The following FGD4 variants were observed in gnomAD, a reference collection of about 807,000 sequenced individuals.
FGD4 encodes the protein FYVE, RhoGEF and PH domain containing 4.
Under a neutral mutation model 102.0 loss-of-function variants are expected in FGD4, and 42 were observed. The observed-to-expected ratio is 0.41, with a 90% confidence interval of 0.32 to 0.53. The LOEUF is 0.53. Ranked by LOEUF, FGD4 falls within the 20% of genes least tolerant of loss-of-function variation. The probability of loss-of-function intolerance (pLI) is 0.21; values close to 1 mark genes in which losing one functional copy is unlikely to be tolerated. For synonymous variants in FGD4, 380 were observed against 375.7 expected (o/e 1.01, Z -0.13); for missense variants, 902 against 1,078.2 (o/e 0.84, Z 2.29).
intron 1 of FGD4, among the ~76,000 whole-genome samples, chr12:32,489,724 C>T (rs907140067): frequency 5.3e-5 from 8 of 152,050 alleles, no homozygotes; most frequent in African/African-American, 1.9e-4. Context: ...TATTCCTGAT[C>T]CTGAGAAGAA....
intron 1 of FGD4, among the ~76,000 whole-genome samples, chr12:32,491,441 A>G (rs1944089778): frequency 6.6e-6 from 1 of 152,146 alleles, no homozygotes; most frequent in Non-Finnish European, 1.5e-5. Flanking sequence ...TTCTTGGTAA[A>G]TGTTTGTTGA....
At chr12:32,416,630 C>T (rs1941425218) in intron 1 of FGD4, among the ~76,000 whole-genome samples, 1 of 151,884 alleles carries the variant, frequency 6.6e-6, no homozygotes, top group Non-Finnish European at 1.5e-5. Context: ...AATAAACAAG[C>T]AAAAAAGAAA....
At chr12:32,621,687 A>T (rs1385857106) in intron 11 of FGD4, among the ~76,000 whole-genome samples, 2 of 152,208 alleles carry the variant, frequency 1.3e-5, no homozygotes, top group Non-Finnish European at 1.5e-5. Flanking sequence ...CAGAGAATAT[A>T]TACTGAACTT....
chr12:32,596,822 C>G (rs1947931054), intron 4 of FGD4, among the ~76,000 whole-genome samples: 1 of 151,774 alleles, frequency 6.6e-6, no homozygotes, highest in Non-Finnish European at 1.5e-5. Context: ...GTAATCTCAG[C>G]TACTCGGGAG....
chr12:32,516,370 C>T (rs35885876), intron 1 of FGD4, among the ~76,000 whole-genome samples: 20,331 of 152,032 alleles, frequency 0.13, 1,610 homozygotes, highest in African/African-American at 0.22. Context: ...TCTCAAACTC[C>T]CAGGCCCAAG....
intron 1 of FGD4, chr12:32,511,051 G>C (rs921797254): frequency 2.6e-5 from 4 of 152,196 alleles, no homozygotes; most frequent in African/African-American, 9.7e-5. Flanking sequence ...GATTATAAGA[G>C]GGAAGTTATT....
intron 1 of FGD4, among the ~76,000 whole-genome samples, chr12:32,505,798 C>A (rs541002733): frequency 1.3e-3 from 191 of 152,258 alleles, no homozygotes; most frequent in African/African-American, 4.4e-3. Flanking sequence ...TAGTTCCTTC[C>A]TTCCTTGTCT....
In FGD4 at chr12:32,640,717, C is replaced by A. The variant is rs1394256546; in HGVS notation, c.*184C>A. The A allele has an allele frequency of 6.1e-6, 5 of 823,638 alleles. No individual in the cohort carries two copies. In the East Asian group the frequency reaches 1.3e-4, roughly 22 times the overall value. 51.0% of individuals were successfully genotyped at this position (823,638 alleles called of 1,614,324 possible). On this transcript the variant is annotated 3_prime_UTR_variant, in exon 17 of 17. Transcript: ENST00000534526. ...AAATTAGTGTGCAGAGTCATTCTACCGATAAAGTTTTGAAATAATGTGAAA... is the reference window on the plus strand; with the variant it reads ...AAATTAGTGTGCAGAGTCATTCTACAGATAAAGTTTTGAAATAATGTGAAA...
intron 1 of FGD4, among the ~76,000 whole-genome samples, chr12:32,421,521 A>C (rs1429283613): frequency 6.6e-6 from 1 of 152,192 alleles, no homozygotes; most frequent in Middle Eastern, 3.4e-3. Context: ...GCTTTGTTAC[A>C]TTGTCAGGAA....
chr12:32,451,179 A>G (rs1456087205), intron 1 of FGD4, among the ~76,000 whole-genome samples: 1 of 152,156 alleles, frequency 6.6e-6, no homozygotes, highest in Non-Finnish European at 1.5e-5. Context: ...CTATCTAATT[A>G]ATTTTCTTTT....
intron 11 of FGD4, among the ~76,000 whole-genome samples, chr12:32,622,247 G>C (rs1309808655): frequency 6.6e-6 from 1 of 152,160 alleles, no homozygotes; most frequent in African/African-American, 2.4e-5. Context: ...TGCTAACTCT[G>C]AAACTTCAGC....
chr12:32,448,758 G>A (rs996928211), intron 1 of FGD4, among the ~76,000 whole-genome samples: 3 of 152,148 alleles, frequency 2.0e-5, no homozygotes, highest in Non-Finnish European at 4.4e-5. Flanking sequence ...AAGCAGTCCG[G>A]TAACACAGGA....
At chr12:32,639,006 C>G (rs746529606) in intron 16 of FGD4, 1 of 1,351,234 alleles carries the variant, frequency 7.4e-7, no homozygotes, top group Non-Finnish European at 9.7e-7. Flanking sequence ...GATCATCTGT[C>G]CCCTTTCTTG....
At chr12:32,527,845 G>A (rs11052047) in intron 1 of FGD4, among the ~76,000 whole-genome samples, 7,650 of 152,182 alleles carry the variant, frequency 0.05, 471 homozygotes, top group African/African-American at 0.13. Flanking sequence ...TTGGGGTTTA[G>A]GGATCAATTT....
rs115098086 is a variant in FGD4 at position 32,620,011 on chromosome 12, A to T, written c.1922+141A>T. 9.2e-4 allele frequency: 927 copies of T among 1,002,548 alleles called. 9 individuals carry two copies. The African/African-American group carries it at 0.014, about 15-fold the overall frequency. The allele number at this position is 1,002,548 out of a possible 1,614,324, so 62.1% of individuals were successfully genotyped here. A position where few individuals can be genotyped will look rare whatever the true frequency, so the allele number is the denominator to read the frequency against. On this transcript the variant is annotated intron_variant, in intron 11 of 16. Transcript: ENST00000534526. ...TGGTTGGATGTAAATGCAGAGCTGTAGGTTCTTGAAAAGCAGGAGTCATGT... is the reference window on the plus strand; with the variant it reads ...TGGTTGGATGTAAATGCAGAGCTGTTGGTTCTTGAAAAGCAGGAGTCATGT...
In FGD4 at chr12:32,582,205, A is replaced by G; in HGVS notation, c.749A>G (p.Asp250Gly). The change falls in exon 4 of 17, where the codon GAT (aspartate) becomes GGT (glycine). Residue 250 changes from aspartate (D) to glycine (G), a missense_variant. Physicochemically the swap from Asp to Gly is moderately conservative, Grantham distance 94 (BLOSUM62 -1). Transcript: ENST00000534526. ...EEEKAATLSS[D>G]TSIQASEPLL... ...GAGAAAGCTGCCACTCTTAGCTCAG[A>G]TACTTCTATTCAAGCTTCTGAACCC... The G allele has an allele frequency of 6.2e-7, 1 of 1,614,242 alleles. No individual in the cohort carries two copies. Among genetic ancestry groups the G allele is most frequent in the Non-Finnish European group, 8.5e-7 (1 of 1,180,038 alleles).
chr12:32,575,275 A>G (rs1237571991), intron 2 of FGD4, among the ~76,000 whole-genome samples: 2 of 152,196 alleles, frequency 1.3e-5, no homozygotes, highest in African/African-American at 2.4e-5. Flanking sequence ...CAGGCTGTAC[A>G]GGAAGCACAG....
chr12:32,430,553 A>T (rs966034237), intron 1 of FGD4, among the ~76,000 whole-genome samples: 4 of 152,194 alleles, frequency 2.6e-5, no homozygotes. Flanking sequence ...TATGTTCTGC[A>T]AAAACAGGTA....
At chr12:32,469,027 T>C (rs893805548) in intron 1 of FGD4, among the ~76,000 whole-genome samples, 1 of 151,986 alleles carries the variant, frequency 6.6e-6, no homozygotes, top group African/African-American at 2.4e-5. Flanking sequence ...GGTTTCACCA[T>C]GTTGGCCAGG....
Sources: allele counts gnomAD v4.1 joint callset (sites outside exome capture counted in the v4.1 genomes callset), GRCh38; gene constraint gnomAD v4.1.1; transcripts MANE v1.5; gene names NCBI Gene and HGNC (gene_info 2026-07-23, HGNC 2026-07-21).